The following GNE variants were observed in gnomAD, a reference collection of about 807,000 sequenced individuals.
GNE encodes the protein bifunctional UDP-N-acetylglucosamine 2-epimerase/N-acetylmannosamine kinase.
A neutral mutation model predicts 61.8 loss-of-function variants in GNE; 41 were observed. The ratio of observed to expected loss-of-function variants is 0.66; its 90% CI spans 0.52 to 0.86. The LOEUF (loss-of-function observed/expected upper bound fraction) is 0.86. GNE is among the 40% of genes least tolerant of loss of function. GNE has a pLI of 0.00. For missense variants in GNE, 608 were observed against 909.1 expected (o/e 0.67, Z 4.26); for synonymous variants, 264 against 326.4 (o/e 0.81, Z 2.06).
rs1828363614 is a variant in GNE at position 36,217,343 on chromosome 9, G to A, written c.*22C>T. ...TCCACTCAGGAGCTCTGGAGAGAAG[G>A]TCCATGTCTGTTCCTGGAGGTCTAG... On this transcript the variant is annotated 3_prime_UTR_variant, in exon 12 of 12. Transcript: ENST00000642385. 1.4e-6 allele frequency: 2 copies of A among 1,476,762 alleles called. No homozygotes were observed. Among genetic ancestry groups the A allele is most frequent in the Admixed American group, 1.7e-5 (1 of 59,146 alleles). 91.5% of individuals were successfully genotyped at this position (1,476,762 alleles called of 1,614,324 possible).
rs7871216 is a variant in GNE, at chr9:36,245,762, A to G, written c.616+269T>C. ...CTTTTGACATATTAGGATCGTTCTT[A>G]TAACTAATATATTTAATGGATTAAA... On this transcript the variant is annotated intron_variant, in intron 3 of 11. Coordinates refer to ENST00000642385, the MANE Select transcript of GNE (RefSeq NM_005476.7). Among the ~76,000 whole-genome samples the G allele has an allele frequency of 0.083, 12,641 of 152,300 alleles. 595 individuals carry two copies. Among genetic ancestry groups the G allele is most frequent in the East Asian group, 0.15 (781 of 5,184 alleles).
rs1384689025 is a variant in GNE at position 36,217,577 on chromosome 9, C to T, written c.1957G>A (p.Val653Ile). 6.2e-7 allele frequency: 1 copy of T among 1,613,300 alleles called. No homozygotes were observed. Among genetic ancestry groups the T allele is most frequent in the Non-Finnish European group, 8.5e-7 (1 of 1,179,328 alleles). Reference protein sequence around the residue: ...RTAGTALGLGVVNILHTMNPS... With the variant: ...RTAGTALGLGIVNILHTMNPS... ...TTCATGGTATGGAGGATGTTCACAA[C>T]CCCAAGACCCAAAGCTGTTCCAGCT... The change falls in exon 12 of 12, where the codon GTT (valine) becomes ATT (isoleucine). Residue 653 changes from valine to isoleucine, a missense_variant. Transcript: ENST00000642385.
chr9:36,224,989 G>A (rs1036598438), intron 7 of GNE, among the ~76,000 whole-genome samples: 1 of 152,066 alleles, frequency 6.6e-6, no homozygotes, highest in Non-Finnish European at 1.5e-5. Flanking sequence ...TACTTTTAAT[G>A]TTAAACTTTG....
intron 1 of GNE, among the ~76,000 whole-genome samples, chr9:36,251,968 AC>A (rs1374354743): frequency 1.4e-5 from 2 of 147,966 alleles, no homozygotes; most frequent in Admixed American, 6.9e-5. Flanking sequence ...TATTCAGAAG[AC>A]CCAAGCACTA....
At chr9:36,260,818 G>A (rs929545510), upstream of GNE, among the ~76,000 whole-genome samples, 1 of 139,756 alleles carries the variant, frequency 7.2e-6, no homozygotes, top group Non-Finnish European at 1.5e-5. Flanking sequence ...GCAGTGAGCC[G>A]AGATCGCACC....
In GNE at chr9:36,217,301, A is replaced by G. The variant is rs1229460437; in HGVS notation, c.*64T>C. 5 of 1,079,196 alleles carry G rather than the reference A, an allele frequency of 4.6e-6. No homozygotes were observed. The African/African-American group carries it at 7.7e-5, about 17-fold the overall frequency. 66.9% of individuals were successfully genotyped at this position (1,079,196 alleles called of 1,614,324 possible). A position where few individuals can be genotyped will look rare whatever the true frequency, so the allele number is the denominator to read the frequency against. ...TTGATTGTTAAGAAACGGTCATCCT[A>G]AAGACAAGAACTTGATTCCACTCAG... On this transcript the variant is annotated 3_prime_UTR_variant, in exon 12 of 12. Transcript: ENST00000642385.
chr9:36,248,479 T>A (rs1829991838), intron 2 of GNE, among the ~76,000 whole-genome samples: 1 of 135,036 alleles, frequency 7.4e-6, no homozygotes, highest in Non-Finnish European at 1.6e-5. Context: ...CACAACTGGC[T>A]AATTTTTTTT....
Position 36,218,279 on chromosome 9 carries a change from C to A in GNE, c.1837G>T (p.Gly613Trp). 8 of 1,613,946 alleles carry A rather than the reference C, an allele frequency of 5.0e-6. No individual in the cohort carries two copies. Among genetic ancestry groups the A allele is most frequent in the Non-Finnish European group, 6.8e-6 (8 of 1,179,836 alleles). ...LHDEDLLLVE[G>W]MSVPKDEAVG... Reference sequence around the variant, plus strand: ...GCCTCATCTTTTGGCACTGACATCCCTTCCACCAAGAGCAGGTCCTCTGAA... The same window carrying A: ...GCCTCATCTTTTGGCACTGACATCCATTCCACCAAGAGCAGGTCCTCTGAA... The change falls in exon 11 of 12, where the codon GGG becomes TGG. Residue 613 changes from glycine to tryptophan, a missense_variant. Gly to Trp is a radical substitution (Grantham distance 184). Transcript: ENST00000642385. This position sits in a 1 kb window ranked among gnomAD's most constrained non-coding sequence, Gnocchi z 4.1.
chr9:36,240,240 A>G lies in GNE; in HGVS notation c.617-3256T>C, dbSNP rs141282446. ...GAGTGGGCATCCTTGTCTTGTTCCA[A>G]TTCTCAGAGGGAATGCTTTCAACTT... On this transcript the variant is annotated intron_variant, in intron 3 of 11. Transcript: ENST00000642385. Among the ~76,000 whole-genome samples, 1,478 of 152,236 alleles carry G rather than the reference A, an allele frequency of 9.7e-3. 24 individuals carry two copies. Among genetic ancestry groups the G allele is most frequent in the African/African-American group, 0.034 (1,406 of 41,538 alleles).
chr9:36,270,862 C>A (rs1021836872), intron 1 of GNE, among the ~76,000 whole-genome samples: 1 of 152,088 alleles, frequency 6.6e-6, no homozygotes, highest in African/African-American at 2.4e-5. Flanking sequence ...CCAGCCTGGG[C>A]AACATTGTAA....
In GNE at chr9:36,215,619, A is replaced by AGGAT. The variant is rs1176034160; in HGVS notation, c.*1745_*1746insATCC. ...CACCAAGTTCTATAAAATAAAAATT[A>AGGAT]AAACACCTACCTCATATGTTGAGAT... On this transcript the variant is annotated 3_prime_UTR_variant, in exon 12 of 12. Coordinates refer to ENST00000642385, the MANE Select transcript of GNE (RefSeq NM_005476.7). 2.6e-5 allele frequency: 4 copies of AGGAT among 152,250 alleles called. No individual in the cohort carries two copies. Among genetic ancestry groups the AGGAT allele is most frequent in the Admixed American group, 1.3e-4 (2 of 15,288 alleles). 9.4% of individuals were successfully genotyped at this position (152,250 alleles called of 1,614,324 possible).
intron 1 of GNE, among the ~76,000 whole-genome samples, chr9:36,256,551 C>T (rs899222833): frequency 6.6e-6 from 1 of 152,102 alleles, no homozygotes; most frequent in African/African-American, 2.4e-5. Context: ...GGCAGAAACC[C>T]AAATTCTTAA....
intron 1 of GNE, among the ~76,000 whole-genome samples, chr9:36,272,390 G>GGCTA (rs1831059261): frequency 6.6e-6 from 1 of 152,096 alleles, no homozygotes. Flanking sequence ...GGGAGGCCGA[G>GGCTA]GCAGGTGGAT....
intron 1 of GNE, among the ~76,000 whole-genome samples, chr9:36,252,075 T>C (rs375403829): frequency 8.2e-5 from 12 of 147,104 alleles, no homozygotes; most frequent in Non-Finnish European, 1.2e-4. Context: ...GACCTCCGCC[T>C]CCTGGGTTCA....
chr9:36,219,484 C>T (rs369370820), intron 10 of GNE, among the ~76,000 whole-genome samples: 2 of 152,202 alleles, frequency 1.3e-5, no homozygotes, highest in South Asian at 2.1e-4. Flanking sequence ...ACTACACATA[C>T]AGTGCATGTA....
chr9:36,264,999 C>A (rs753412999), intron 1 of GNE: 11 of 255,162 alleles, frequency 4.3e-5, no homozygotes, highest in Admixed American at 9.4e-5. Context: ...TCAAGCTAAG[C>A]TTTCGCTCGT....
Position 36,218,336 on chromosome 9 carries a change from G to T in GNE, c.1817-37C>A. On this transcript the variant is annotated intron_variant, in intron 10 of 11. Coordinates refer to ENST00000642385, the MANE Select transcript of GNE (RefSeq NM_005476.7). This position sits in a 1 kb window ranked among gnomAD's most constrained non-coding sequence, Gnocchi z 4.1. Reference sequence around the variant, plus strand: ...GAGAAGGAAAAGCAGTCACTAATGAGCTGTGGGGAGGCCAAGCTCACCACT... The same window carrying T: ...GAGAAGGAAAAGCAGTCACTAATGATCTGTGGGGAGGCCAAGCTCACCACT... 6.8e-7 allele frequency: 1 copy of T among 1,474,524 alleles called. No individual in the cohort carries two copies. 91.3% of individuals were successfully genotyped at this position (1,474,524 alleles called of 1,614,324 possible).
chr9:36,232,327 T>TGGGGGGGGGGGGGGGGGGGGGGG, intron 5 of GNE, among the ~76,000 whole-genome samples: 1 of 128,356 alleles, frequency 7.8e-6, no homozygotes, highest in Admixed American at 7.6e-5. Context: ...CTTTTATTCT[T>TGGGGGGGGGGGGGGGGGGGGGGG]GCCCCCCCGC....
chr9:36,258,656 A>C (rs1830501450), upstream of GNE, among the ~76,000 whole-genome samples: 1 of 152,208 alleles, frequency 6.6e-6, no homozygotes, highest in South Asian at 2.1e-4. Flanking sequence ...GCCGCGCTGG[A>C]GCTGCTGCGG....
Sources: allele counts gnomAD v4.1 joint callset (sites outside exome capture counted in the v4.1 genomes callset), GRCh38; gene constraint gnomAD v4.1.1; non-coding constraint Gnocchi (gnomAD v3.1); transcripts MANE v1.5; gene names NCBI Gene and HGNC (gene_info 2026-07-23, HGNC 2026-07-21).